GRIN2A: variants seen among roughly 807,000 people sequenced by gnomAD.
GRIN2A encodes the protein glutamate receptor ionotropic, NMDA 2A.
GRIN2A carries 22 observed loss-of-function variants against 113.4 expected under a neutral mutation model. The ratio of observed to expected loss-of-function variants is 0.19; its 90% confidence interval spans 0.14 to 0.28. GRIN2A has a LOEUF of 0.28. Ranked by LOEUF, GRIN2A falls within the 10% of genes least tolerant of loss-of-function variation. GRIN2A has a pLI of 1.00. For missense variants in GRIN2A, 1,502 were observed against 1,887.0 expected (o/e 0.80, Z 3.78); for synonymous variants, 827 against 738.4 (o/e 1.12, Z -1.94).
In GRIN2A at chr16:10,127,169, T is replaced by C. The variant is rs564597673; in HGVS notation, c.414+52829A>G. ...AACGCTTGAACCTGGGAGGTAGAGA[T>C]TGCAGTGAGCAGAGATCGTGCCACT... On this transcript the variant is annotated intron_variant, in intron 2 of 12. Coordinates refer to ENST00000330684, the MANE Select transcript of GRIN2A (RefSeq NM_001134407.3). 4.5e-4 allele frequency among the ~76,000 whole-genome samples: 68 copies of C among 152,124 alleles called. No homozygotes were observed. In the Middle Eastern group the frequency reaches 0.014, roughly 30 times the overall value.
rs553807143 is a variant in GRIN2A, at chr16:9,949,405, G to A, written c.415-10854C>T. Reference sequence around the variant, plus strand: ...AGATGGATGGATGGATGGTCAAATAGGACAAATGGATGGACAGGTGGATGG... The same window carrying A: ...AGATGGATGGATGGATGGTCAAATAAGACAAATGGATGGACAGGTGGATGG... On this transcript the variant is annotated intron_variant, in intron 2 of 12. Coordinates refer to ENST00000330684, the MANE Select transcript of GRIN2A (RefSeq NM_001134407.3). 9.9e-5 allele frequency among the ~76,000 whole-genome samples: 15 copies of A among 152,024 alleles called. No homozygotes were observed. The South Asian group carries it at 2.9e-3, about 29-fold the overall frequency.
At position 9,798,371 on chromosome 16, in the gene GRIN2A, G is replaced by A. The variant is rs753430289; in HGVS notation, c.2262C>T (p.Tyr754=). 1 of 1,613,724 alleles carries A rather than the reference G, an allele frequency of 6.2e-7. No homozygotes were observed. The highest frequency in any genetic ancestry group is 2.2e-5 in the East Asian group (1 of 44,852). The change falls in exon 11 of 13, where the codon TAC becomes TAT. Residue 754 remains tyrosine (Y), a synonymous_variant. Coordinates refer to ENST00000330684, the MANE Select transcript of GRIN2A (RefSeq NM_001134407.3). ...TTCCATAACCGGTGGTGGCAAAGAT[G>A]TACCCACTCCCGATGGTCACCAGCT... is the stretch of plus-strand genomic sequence containing the variant. ...GCKLVTIGSG[Y]IFATTGYGIA...
At chr16:10,027,958 C>A (rs1308000832) in intron 2 of GRIN2A, among the ~76,000 whole-genome samples, 1 of 152,190 alleles carries the variant, frequency 6.6e-6, no homozygotes, top group Non-Finnish European at 1.5e-5. Context: ...CTCCAGGGAA[C>A]CTCTCCTACA....
Position 10,098,223 on chromosome 16 carries a change from G to T in GRIN2A, c.414+81775C>A, listed in dbSNP as rs560766401. ...TGAACAAATGCTCAACATCAGTAATGATCAGGGAAATGCAAATCAAACCAC... is the reference window on the plus strand; with the variant it reads ...TGAACAAATGCTCAACATCAGTAATTATCAGGGAAATGCAAATCAAACCAC... On this transcript the variant is annotated intron_variant, in intron 2 of 12. Coordinates refer to ENST00000330684, the MANE Select transcript of GRIN2A (RefSeq NM_001134407.3). Among the ~76,000 whole-genome samples the T allele has an allele frequency of 1.1e-4, 16 of 152,246 alleles. No homozygotes were observed. In the East Asian group the frequency reaches 1.9e-3, roughly 18 times the overall value.
intron 2 of GRIN2A, among the ~76,000 whole-genome samples, chr16:10,176,341 A>G (rs1187464988): frequency 1.3e-5 from 2 of 152,092 alleles, no homozygotes; most frequent in African/African-American, 4.8e-5. Flanking sequence ...TTGCAAGACT[A>G]CCCAATGATG....
chr16:10,035,471 C>T (rs1360094331), intron 2 of GRIN2A, among the ~76,000 whole-genome samples: 1 of 152,220 alleles, frequency 6.6e-6, no homozygotes, highest in Non-Finnish European at 1.5e-5. Flanking sequence ...TTCCCTGGCT[C>T]CTTTCAAAGC....
At chr16:9,770,584 T>G (rs1422104408) in intron 11 of GRIN2A, among the ~76,000 whole-genome samples, 1 of 152,236 alleles carries the variant, frequency 6.6e-6, no homozygotes, top group Non-Finnish European at 1.5e-5. Flanking sequence ...GCAATCTATA[T>G]TTTCTCTCTA....
Position 9,761,323 on chromosome 16 carries a change from T to G in GRIN2A, c.*1826A>C, listed in dbSNP as rs764044385. ...CCATGAGGAGAAGAAATGGGATAAT[T>G]TTTCAACCTGCCACTTTATCCCTTT... is the stretch of plus-strand genomic sequence containing the variant. On this transcript the variant is annotated 3_prime_UTR_variant, in exon 13 of 13. Coordinates refer to ENST00000330684, the MANE Select transcript of GRIN2A (RefSeq NM_001134407.3). The G allele has an allele frequency of 5.2e-5, 12 of 229,170 alleles. No individual in the cohort carries two copies. The highest frequency in any genetic ancestry group is 8.7e-5 in the Non-Finnish European group (10 of 115,546). 14.2% of individuals were successfully genotyped at this position (229,170 alleles called of 1,614,324 possible).
intron 2 of GRIN2A, among the ~76,000 whole-genome samples, chr16:10,166,922 A>T (rs2049936503): frequency 6.6e-6 from 1 of 152,102 alleles, no homozygotes; most frequent in Non-Finnish European, 1.5e-5. Context: ...TTTCCTTATG[A>T]TCTTCTTTTC....
At chr16:9,975,865 C>T (rs1014657283) in intron 2 of GRIN2A, among the ~76,000 whole-genome samples, 1 of 152,108 alleles carries the variant, frequency 6.6e-6, no homozygotes, top group African/African-American at 2.4e-5. Context: ...AAGAATGGAC[C>T]ATCTTTATTA....
At chr16:9,955,146 T>C (rs1444915927) in intron 2 of GRIN2A, among the ~76,000 whole-genome samples, 2 of 152,228 alleles carry the variant, frequency 1.3e-5, no homozygotes, top group East Asian at 3.9e-4. Context: ...ACTGCAGTGC[T>C]GACCATTCAG....
intron 2 of GRIN2A, among the ~76,000 whole-genome samples, chr16:10,063,090 G>A (rs1886621602): frequency 6.6e-6 from 1 of 152,126 alleles, no homozygotes; most frequent in Non-Finnish European, 1.5e-5. Context: ...GGATGGAGCT[G>A]GAGGACATTA....
intron 2 of GRIN2A, among the ~76,000 whole-genome samples, chr16:10,142,985 A>C (rs749384420): frequency 2.0e-4 from 30 of 152,250 alleles, no homozygotes; most frequent in Non-Finnish European, 3.5e-4. Flanking sequence ...CAACTGCTGA[A>C]AGCAACTCAT....
chr16:10,014,593 A>C (rs924574284), intron 2 of GRIN2A, among the ~76,000 whole-genome samples: 6 of 152,208 alleles, frequency 3.9e-5, no homozygotes, highest in African/African-American at 1.2e-4. Flanking sequence ...GACCACTCTG[A>C]AACCAAGTGT....
At chr16:9,891,326 C>G (rs952296977) in intron 3 of GRIN2A, among the ~76,000 whole-genome samples, 5 of 152,152 alleles carry the variant, frequency 3.3e-5, no homozygotes, top group African/African-American at 9.7e-5. Flanking sequence ...AGCTTTTTGT[C>G]CTGCCAGATT....
At chr16:10,005,986 G>A (rs763743781) in intron 2 of GRIN2A, among the ~76,000 whole-genome samples, 1 of 152,172 alleles carries the variant, frequency 6.6e-6, no homozygotes, top group Admixed American at 6.5e-5. Context: ...CAATATTACA[G>A]CTTTGGCCAG....
At chr16:10,128,034 G>A (rs1431157310) in intron 2 of GRIN2A, among the ~76,000 whole-genome samples, 1 of 152,084 alleles carries the variant, frequency 6.6e-6, no homozygotes, top group Admixed American at 6.6e-5. Context: ...GAACTCAACA[G>A]CAGACCCCAA....
At position 10,109,901 on chromosome 16, in the gene GRIN2A, T is replaced by TA. The variant is rs201642468; in HGVS notation, c.414+70096dup. On this transcript the variant is annotated intron_variant, in intron 2 of 12. Transcript: ENST00000330684. The stretch of plus-strand genomic sequence containing the variant: ...CCCACAAAAAAAATAAAATTTTTTT[T>TA]AATTTTATTATTATTATACTTTAAG... Among the ~76,000 whole-genome samples, 7 of 150,694 alleles carry TA rather than the reference T, an allele frequency of 4.6e-5. No homozygotes were observed. The East Asian group carries it at 1.2e-3, about 25-fold the overall frequency.
chr16:10,101,440 C>T (rs116924987), intron 2 of GRIN2A, among the ~76,000 whole-genome samples: 4,022 of 152,292 alleles, frequency 0.026, 81 homozygotes, highest in Non-Finnish European at 0.041. Flanking sequence ...GGATGAAAAC[C>T]TCCGAGCGCC....
Sources: gnomAD v4.1 joint callset for allele counts (sites outside exome capture counted in the v4.1 genomes callset) on GRCh38, gnomAD v4.1.1 for gene constraint, MANE v1.5 for transcripts, NCBI Gene and HGNC (gene_info 2026-07-23, HGNC 2026-07-21) for gene names.